The following XKR9 variants were observed in gnomAD, a reference collection of about 807,000 sequenced individuals.
XKR9 encodes the protein XK related 9.
Under a neutral mutation model 32.0 loss-of-function variants are expected in XKR9, and 32 were observed. The observed-to-expected ratio is 1.00, with a 90% CI of 0.76 to 1.34. The LOEUF is 1.34. XKR9 is among the 40% of genes most tolerant of loss of function. The pLI, the probability that XKR9 is intolerant of heterozygous loss-of-function variation, is 0.00. For missense variants in XKR9, 546 were observed against 429.7 expected, an observed-to-expected ratio of 1.27 and a Z score of -2.39; for synonymous variants, 168 against 143.4, an observed-to-expected ratio of 1.17 and a Z score of -1.22.
intron 2 of XKR9, among the ~76,000 whole-genome samples, chr8:70,749,983 C>G (rs1043316787): frequency 1.3e-5 from 2 of 151,954 alleles, no homozygotes; most frequent in Admixed American, 6.6e-5. Flanking sequence ...AAATTATTTT[C>G]TGGGATTTGG....
At chr8:70,678,330 A>C (rs1489355128) in intron 2 of XKR9, among the ~76,000 whole-genome samples, 5 of 152,252 alleles carry the variant, frequency 3.3e-5, no homozygotes, top group African/African-American at 1.2e-4. Context: ...AGAATGATAC[A>C]TAATAGATGT....
chr8:70,944,447 A>T, the XKR9 span, among the ~76,000 whole-genome samples: 1 of 152,252 alleles, frequency 6.6e-6, no homozygotes, highest in Non-Finnish European at 1.5e-5. Flanking sequence ...GAGGGGAAAA[A>T]TTACCAAGAA....
chr8:70,741,052 T>C (rs1439473377), intron 2 of XKR9, among the ~76,000 whole-genome samples: 2 of 152,234 alleles, frequency 1.3e-5, no homozygotes, highest in Non-Finnish European at 2.9e-5. Flanking sequence ...TTTTTGTTTG[T>C]CTGTGCCCTG....
chr8:70,844,842 G>A, the XKR9 span, among the ~76,000 whole-genome samples: 2 of 152,144 alleles, frequency 1.3e-5, no homozygotes, highest in Non-Finnish European at 2.9e-5. Flanking sequence ...CCACTTCAAA[G>A]CCCAAGGGAT....
the XKR9 span, among the ~76,000 whole-genome samples, chr8:70,866,511 T>A: frequency 2.0e-5 from 3 of 152,226 alleles, no homozygotes; most frequent in Non-Finnish European, 2.9e-5. Flanking sequence ...TAGAGGCATT[T>A]CTGCTGAGTT....
the XKR9 span, among the ~76,000 whole-genome samples, chr8:70,852,644 A>T: frequency 1.3e-5 from 2 of 152,254 alleles, no homozygotes; most frequent in African/African-American, 4.8e-5. Context: ...TGTGGCATAT[A>T]TACACCATGG....
chr8:70,823,109 T>C, the XKR9 span, among the ~76,000 whole-genome samples: 1 of 152,242 alleles, frequency 6.6e-6, no homozygotes, highest in Non-Finnish European at 1.5e-5. Flanking sequence ...TTCTGAGAGA[T>C]AATACATACA....
intron 3 of XKR9, among the ~76,000 whole-genome samples, chr8:70,692,046 G>A (rs988074910): frequency 6.6e-6 from 1 of 152,070 alleles, no homozygotes; most frequent in African/African-American, 2.4e-5. Flanking sequence ...TTATGATGAT[G>A]GGATTTTTTT....
chr8:71,034,394 CCAGCCATG>C, the XKR9 span, among the ~76,000 whole-genome samples: 1 of 152,194 alleles, frequency 6.6e-6, no homozygotes, highest in African/African-American at 2.4e-5. Flanking sequence ...TGACGCCTCC[CCAGCCATG>C]TGGAGCTGTG....
chr8:70,669,960 C>T (rs972732869), intron 1 of XKR9, among the ~76,000 whole-genome samples: 1 of 152,104 alleles, frequency 6.6e-6, no homozygotes, highest in Non-Finnish European at 1.5e-5. Context: ...GCTACCACGC[C>T]GGGCCAGCCT....
chr8:70,751,411 G>T (rs560505315), intron 2 of XKR9, among the ~76,000 whole-genome samples: 1 of 152,192 alleles, frequency 6.6e-6, no homozygotes, highest in Non-Finnish European at 1.5e-5. Context: ...TTACAGGTGT[G>T]AGCCACCGTG....
the XKR9 span, among the ~76,000 whole-genome samples, chr8:70,881,386 T>C: frequency 9.7e-3 from 1,473 of 152,270 alleles, 23 homozygotes; most frequent in African/African-American, 0.034. Context: ...GAAGGGCTAA[T>C]ATCCAGGATC....
chr8:71,009,527 G>A, the XKR9 span, among the ~76,000 whole-genome samples: 23 of 152,268 alleles, frequency 1.5e-4, 1 homozygote, highest in South Asian at 4.8e-3. Context: ...GATGATGATG[G>A]GGCGATTGTT....
chr8:70,757,866 C>G (rs957163744), intron 2 of XKR9, among the ~76,000 whole-genome samples: 1 of 152,182 alleles, frequency 6.6e-6, no homozygotes, highest in Admixed American at 6.5e-5. Context: ...AGATTACAGG[C>G]GTGAGCCACC....
intron 4 of XKR9, among the ~76,000 whole-genome samples, chr8:70,713,252 GAGAT>G (rs985249380): frequency 6.6e-6 from 1 of 152,108 alleles, no homozygotes; most frequent in Non-Finnish European, 1.5e-5. Flanking sequence ...GAGAGACAAA[GAGAT>G]AGAAAATATG....
At chr8:70,984,089 A>T in the XKR9 span, among the ~76,000 whole-genome samples, 1 of 152,242 alleles carries the variant, frequency 6.6e-6, no homozygotes, top group Non-Finnish European at 1.5e-5. Flanking sequence ...GCAGTAGGAC[A>T]TTAAAACTCA....
the XKR9 span, among the ~76,000 whole-genome samples, chr8:70,976,060 T>C: frequency 6.6e-6 from 1 of 152,354 alleles, no homozygotes; most frequent in Middle Eastern, 3.4e-3. Flanking sequence ...TATTTGTGTA[T>C]AAGAATGCTT....
chr8:70,716,759 T>C (rs1219247981), intron 4 of XKR9, among the ~76,000 whole-genome samples: 1 of 152,130 alleles, frequency 6.6e-6, no homozygotes, highest in Non-Finnish European at 1.5e-5. Flanking sequence ...AACACAATCA[T>C]GCCCTTTCCA....
the XKR9 span, among the ~76,000 whole-genome samples, chr8:70,818,908 AG>A: frequency 3.3e-5 from 5 of 152,190 alleles, no homozygotes; most frequent in Non-Finnish European, 4.4e-5. Context: ...GTGAGACAAA[AG>A]CACTCCTGTC....
Sources: gnomAD v4.1 joint callset for allele counts (sites outside exome capture counted in the v4.1 genomes callset) on GRCh38, gnomAD v4.1.1 for gene constraint, MANE v1.5 for transcripts, NCBI Gene and HGNC (gene_info 2026-07-23, HGNC 2026-07-21) for gene names.